ABI2: variants seen among roughly 807,000 people sequenced by gnomAD.
ABI2 encodes the protein abelson interactor 2.
A neutral mutation model predicts 59.2 loss-of-function variants in ABI2; 25 were observed. The observed-to-expected ratio is 0.42, with a 90% confidence interval of 0.31 to 0.59. The LOEUF is 0.59. Ranked by LOEUF, ABI2 falls within the 20% of genes least tolerant of loss-of-function variation. The probability of loss-of-function intolerance (pLI) is 0.14; values close to 1 mark genes in which losing one functional copy is unlikely to be tolerated. For synonymous variants in ABI2, 213 were observed against 235.5 expected (o/e 0.90, Z 0.87); for missense variants, 545 against 681.8 (o/e 0.80, Z 2.23).
chr2:203,373,375 A>G (rs961097137), intron 2 of ABI2, among the ~76,000 whole-genome samples: 2 of 152,190 alleles, frequency 1.3e-5, no homozygotes, highest in Non-Finnish European at 2.9e-5. Flanking sequence ...AGGCAGGAGA[A>G]TCAGGCAGGG....
chr2:203,421,726 G>A (rs1215813027), intron 11 of ABI2, among the ~76,000 whole-genome samples: 1 of 151,976 alleles, frequency 6.6e-6, no homozygotes, highest in Non-Finnish European at 1.5e-5. Context: ...CAGCACTTTG[G>A]GAGGCCAAGG....
At chr2:203,404,143 C>T (rs182834222) in intron 9 of ABI2, among the ~76,000 whole-genome samples, 114 of 152,180 alleles carry the variant, frequency 7.5e-4, no homozygotes, top group Middle Eastern at 3.4e-3. Context: ...GAGGGGAAGG[C>T]GGATGAAAAG....
chr2:203,388,921 C>A (rs962834325), intron 4 of ABI2, among the ~76,000 whole-genome samples: 2 of 152,092 alleles, frequency 1.3e-5, no homozygotes, highest in South Asian at 2.1e-4. Flanking sequence ...TGCTCCTTTT[C>A]CTTCCTGTTT....
intron 1 of ABI2, among the ~76,000 whole-genome samples, chr2:203,353,767 G>T (rs1279727905): frequency 6.6e-6 from 1 of 152,126 alleles, no homozygotes; most frequent in East Asian, 1.9e-4. Flanking sequence ...CAAAGTGTTG[G>T]GATTACAGGC....
At chr2:203,347,095 T>C (rs766623089) in intron 1 of ABI2, among the ~76,000 whole-genome samples, 2 of 152,210 alleles carry the variant, frequency 1.3e-5, no homozygotes, top group Non-Finnish European at 2.9e-5. Context: ...TGCCCTAACA[T>C]GTGCATCAGG....
At chr2:203,385,161 C>T (rs1422943140) in intron 4 of ABI2, among the ~76,000 whole-genome samples, 11 of 19,924 alleles carry the variant, frequency 5.5e-4, no homozygotes, top group Admixed American at 2.2e-3. Flanking sequence ...TTGAGACAGT[C>T]TTGCCGTTGC....
rs1038201491 is a variant in ABI2 at position 203,427,667 on chromosome 2, T to A, written c.*315T>A. On this transcript the variant is annotated 3_prime_UTR_variant, in exon 12 of 12. Coordinates refer to ENST00000261018, the MANE Select transcript of ABI2 (RefSeq NM_001375670.1). ...AGATTAAGACTGATTCAGAAAAATC[T>A]GGGATCTTTCTCAGGAATACTGTAT... 4.9e-6 allele frequency: 1 copy of A among 203,712 alleles called. No homozygotes were observed. The highest frequency in any genetic ancestry group is 2.3e-5 in the African/African-American group (1 of 43,716). The allele number at this position is 203,712 out of a possible 1,614,324, so 12.6% of individuals were successfully genotyped here. A position where few individuals can be genotyped will look rare whatever the true frequency, so the allele number is the denominator to read the frequency against.
chr2:203,390,781 A>T (rs562432702), intron 4 of ABI2, among the ~76,000 whole-genome samples: 1 of 152,200 alleles, frequency 6.6e-6, no homozygotes, highest in Non-Finnish European at 1.5e-5. Flanking sequence ...CTAACCAGTG[A>T]TCTGTTGGTG....
chr2:203,427,689 G>A lies in ABI2; in HGVS notation c.*337G>A, dbSNP rs907147217. On this transcript the variant is annotated 3_prime_UTR_variant, in exon 12 of 12. Coordinates refer to ENST00000261018, the MANE Select transcript of ABI2 (RefSeq NM_001375670.1). ...ATCTGGGATCTTTCTCAGGAATACTGTATACCCTTGGGATTTCTCCTCCTG... is the reference window on the plus strand; with the variant it reads ...ATCTGGGATCTTTCTCAGGAATACTATATACCCTTGGGATTTCTCCTCCTG... The A allele has an allele frequency of 1.1e-5, 2 of 181,756 alleles. No individual in the cohort carries two copies. Among genetic ancestry groups the A allele is most frequent in the Admixed American group, 1.1e-4 (2 of 17,724 alleles). The allele number at this position is 181,756 out of a possible 1,614,324, so 11.3% of individuals were successfully genotyped here. A position where few individuals can be genotyped will look rare whatever the true frequency, so the allele number is the denominator to read the frequency against.
At chr2:203,333,497 G>A (rs1192912806) in intron 1 of ABI2, among the ~76,000 whole-genome samples, 1 of 152,134 alleles carries the variant, frequency 6.6e-6, no homozygotes, top group Non-Finnish European at 1.5e-5. Context: ...TACCTAGAAT[G>A]AAGGAGAAAG....
chr2:203,381,649 T>C lies in ABI2; in HGVS notation c.463-540T>C, dbSNP rs147108770. Among the ~76,000 whole-genome samples, 365 of 152,342 alleles carry C rather than the reference T, an allele frequency of 2.4e-3. 1 individual carries two copies. The highest frequency in any genetic ancestry group is 8.2e-3 in the African/African-American group (342 of 41,570). On this transcript the variant is annotated intron_variant, in intron 3 of 11. Coordinates refer to ENST00000261018, the MANE Select transcript of ABI2 (RefSeq NM_001375670.1). ...TAAAATAAGATGTGTAATTGGATGG[T>C]TAGTTAATAACTGAAATTTCTTCTA...
chr2:203,428,908 G>A lies in ABI2; in HGVS notation c.*1556G>A, dbSNP rs1348843167. 2 of 152,218 alleles carry A rather than the reference G, an allele frequency of 1.3e-5. No homozygotes were observed. The highest frequency in any genetic ancestry group is 2.9e-5 in the Non-Finnish European group (2 of 68,054). 9.4% of individuals were successfully genotyped at this position (152,218 alleles called of 1,614,324 possible). ...AGTAGCTGGATATATTTCAAATGAGGTTTTGAACAAGTTCAGAAAGTGGAA... is the reference window on the plus strand; with the variant it reads ...AGTAGCTGGATATATTTCAAATGAGATTTTGAACAAGTTCAGAAAGTGGAA... On this transcript the variant is annotated 3_prime_UTR_variant, in exon 12 of 12. Coordinates refer to ENST00000261018, the MANE Select transcript of ABI2 (RefSeq NM_001375670.1).
At chr2:203,422,034 A>G (rs935422335) in intron 11 of ABI2, among the ~76,000 whole-genome samples, 3 of 151,884 alleles carry the variant, frequency 2.0e-5, no homozygotes, top group Non-Finnish European at 1.5e-5. Flanking sequence ...GTAATCCCTT[A>G]AAGTGCTGTA....
intron 5 of ABI2, 100 bp downstream of exon 5, chr2:203,391,243 C>T (rs1349918994): frequency 1.5e-5 from 12 of 822,238 alleles, no homozygotes; most frequent in Non-Finnish European, 2.1e-5. Flanking sequence ...GAAGAGAGAA[C>T]ATTTTCTTTG....
chr2:203,354,090 G>A (rs1024810761), intron 1 of ABI2, among the ~76,000 whole-genome samples: 1 of 151,984 alleles, frequency 6.6e-6, no homozygotes, highest in Non-Finnish European at 1.5e-5. Flanking sequence ...TGTCGCCCAG[G>A]TTGGAGTGCG....
intron 9 of ABI2, among the ~76,000 whole-genome samples, chr2:203,406,481 T>C (rs2097430744): frequency 6.6e-6 from 1 of 152,186 alleles, no homozygotes; most frequent in Non-Finnish European, 1.5e-5. Context: ...AACCCCTGAA[T>C]GGTTTTAAAA....
intron 2 of ABI2, among the ~76,000 whole-genome samples, chr2:203,372,062 A>G (rs1294435692): frequency 6.6e-6 from 1 of 152,052 alleles, no homozygotes; most frequent in Non-Finnish European, 1.5e-5. Context: ...TTTCCTAGGC[A>G]GAGGACCCTG....
chr2:203,396,896 G>C lies in ABI2; in HGVS notation c.962G>C (p.Gly321Ala). ...PSSTAPDAAAGGAQTLADGFT... is the reference protein window; with the variant it reads ...PSSTAPDAAAAGAQTLADGFT... ...TCCACTGCCCCAGACGCTGCTGCTG[G>C]GGGTGCCCAGACCCTTGCTGATGGC... is the stretch of plus-strand genomic sequence containing the variant. Residue 321 changes from glycine (G) to alanine (A), a missense_variant, in exon 8 of 12, where the codon GGG becomes GCG. Transcript: ENST00000261018. 1 of 1,533,336 alleles carries C rather than the reference G, an allele frequency of 6.5e-7. No individual in the cohort carries two copies. The highest frequency in any genetic ancestry group is 8.7e-7 in the Non-Finnish European group (1 of 1,145,948). 95.0% of individuals were successfully genotyped at this position (1,533,336 alleles called of 1,614,324 possible).
chr2:203,390,989 C>A (rs997270987), intron 4 of ABI2, 57 bp from the exon 5 acceptor site: 2 of 1,404,204 alleles, frequency 1.4e-6, no homozygotes, highest in Non-Finnish European at 2.0e-6. Flanking sequence ...TATTATTTCC[C>A]AAAAGTGCCA....
Sources: allele counts gnomAD v4.1 joint callset (sites outside exome capture counted in the v4.1 genomes callset), GRCh38; gene constraint gnomAD v4.1.1; transcripts MANE v1.5; gene names NCBI Gene and HGNC (gene_info 2026-07-23, HGNC 2026-07-21).